The following EFCAB6 variants were observed in gnomAD, a reference collection of about 807,000 sequenced individuals.
The protein encoded by EFCAB6 is EF-hand calcium-binding domain-containing protein 6.
In EFCAB6, 156 loss-of-function variants were observed where a neutral mutation model predicts 169.8. The ratio of observed to expected loss-of-function variants is 0.92; its 90% CI spans 0.81 to 1.05. The LOEUF (loss-of-function observed/expected upper bound fraction) is 1.05, where lower values mean the gene tolerates loss of function less well. Ranked by LOEUF, EFCAB6 falls within the 50% of genes least tolerant of loss-of-function variation. The pLI, the probability that EFCAB6 is intolerant of heterozygous loss-of-function variation, is 0.00. For missense variants in EFCAB6, 1,800 were observed against 1,829.1 expected (o/e 0.98, Z 0.29); for synonymous variants, 698 against 676.4 (o/e 1.03, Z -0.50).
intron 6 of EFCAB6, among the ~76,000 whole-genome samples, chr22:43,755,509 T>G (rs1377753329): frequency 1.3e-5 from 2 of 152,234 alleles, no homozygotes; most frequent in East Asian, 3.8e-4. Context: ...GATCTAAAGT[T>G]AATACAAAAG....
chr22:43,740,715 G>A (rs1173237390), intron 6 of EFCAB6, among the ~76,000 whole-genome samples: 5 of 152,110 alleles, frequency 3.3e-5, no homozygotes, highest in Admixed American at 6.5e-5. Context: ...GAAAGGCACC[G>A]GCAGAAGCAA....
intron 24 of EFCAB6, among the ~76,000 whole-genome samples, chr22:43,585,245 G>A (rs185401413): frequency 9.0e-4 from 136 of 150,770 alleles, no homozygotes; most frequent in Non-Finnish European, 1.7e-3. Flanking sequence ...AGTGGGCAAT[G>A]TAATCAGAGA....
At chr22:43,635,454 G>T (rs2055321434) in intron 17 of EFCAB6, among the ~76,000 whole-genome samples, 1 of 152,188 alleles carries the variant, frequency 6.6e-6, no homozygotes, top group African/African-American at 2.4e-5. Context: ...AGTTGGCATG[G>T]TGCTCAGGCC....
At chr22:43,783,876 C>A (rs912709386) in intron 2 of EFCAB6, among the ~76,000 whole-genome samples, 1 of 151,958 alleles carries the variant, frequency 6.6e-6, no homozygotes. Flanking sequence ...GACTGGGCAA[C>A]ATACTGAGAC....
chr22:43,555,227 G>A, intron 26 of EFCAB6, 131 bp from the exon 27 acceptor site: 2 of 918,932 alleles, frequency 2.2e-6, no homozygotes. Flanking sequence ...GACAGCTACA[G>A]CCTGGAGGTG....
At chr22:43,563,676 C>G (rs968207627) in intron 26 of EFCAB6, among the ~76,000 whole-genome samples, 6 of 152,234 alleles carry the variant, frequency 3.9e-5, no homozygotes, top group African/African-American at 1.4e-4. Context: ...GCTGCTGCTG[C>G]TGGTGATTAC....
At chr22:43,729,868 G>A (rs550951524) in intron 8 of EFCAB6, among the ~76,000 whole-genome samples, 106 of 152,268 alleles carry the variant, frequency 7.0e-4, no homozygotes, top group African/African-American at 2.5e-3. Flanking sequence ...GACAATCACT[G>A]TGAATATGTG....
At chr22:43,596,720 T>A (rs1047775006) in intron 23 of EFCAB6, among the ~76,000 whole-genome samples, 1 of 152,046 alleles carries the variant, frequency 6.6e-6, no homozygotes, top group African/African-American at 2.4e-5. Context: ...AAATACCAAA[T>A]GACATTCTTC....
chr22:43,682,374 T>C (rs2147099819), intron 12 of EFCAB6, among the ~76,000 whole-genome samples: 1 of 152,346 alleles, frequency 6.6e-6, no homozygotes. Context: ...TCAAGTTGAA[T>C]AGCACAACAA....
At chr22:43,713,398 A>G (rs2059227161) in intron 9 of EFCAB6, among the ~76,000 whole-genome samples, 1 of 152,236 alleles carries the variant, frequency 6.6e-6, no homozygotes, top group South Asian at 2.1e-4. Flanking sequence ...TGTTCAACAC[A>G]TTAGTAAAAA....
intron 26 of EFCAB6, among the ~76,000 whole-genome samples, chr22:43,565,154 CG>C (rs2147158045): frequency 6.6e-6 from 1 of 152,310 alleles, no homozygotes; most frequent in East Asian, 1.9e-4. Context: ...GGAGCATTTG[CG>C]TAATTGGGCA....
At chr22:43,763,290 C>T (rs1379044618) in intron 5 of EFCAB6, among the ~76,000 whole-genome samples, 3 of 152,240 alleles carry the variant, frequency 2.0e-5, no homozygotes, top group African/African-American at 4.8e-5. Context: ...CTGCCCACTT[C>T]GGCCTCCCAA....
chr22:43,706,579 T>C (rs1056648473), intron 10 of EFCAB6, among the ~76,000 whole-genome samples: 2 of 152,236 alleles, frequency 1.3e-5, no homozygotes, highest in African/African-American at 4.8e-5. Context: ...ATTTATTGAC[T>C]GACTGGGCAA....
intron 10 of EFCAB6, among the ~76,000 whole-genome samples, chr22:43,702,148 C>A (rs2147281691): frequency 6.6e-6 from 1 of 152,242 alleles, no homozygotes; most frequent in African/African-American, 2.4e-5. Flanking sequence ...TATTTTAAAA[C>A]AATGTTAATA....
intron 13 of EFCAB6, among the ~76,000 whole-genome samples, chr22:43,676,294 A>G (rs137782): frequency 0.54 from 82,223 of 151,146 alleles, 22,712 homozygotes; most frequent in East Asian, 0.77. Flanking sequence ...GTAGGCGCCT[A>G]TAGTCCCAGC....
At chr22:43,799,714 A>C (rs1051571539) in intron 2 of EFCAB6, among the ~76,000 whole-genome samples, 4 of 152,262 alleles carry the variant, frequency 2.6e-5, no homozygotes, top group African/African-American at 9.6e-5. Context: ...CCTGAAAACC[A>C]AAGTAAATAT....
chr22:43,609,277 A>C (rs149803738), intron 21 of EFCAB6, among the ~76,000 whole-genome samples: 1 of 152,264 alleles, frequency 6.6e-6, no homozygotes, highest in African/African-American at 2.4e-5. Context: ...AAGTGAGAAT[A>C]TCTTCATCAC....
chr22:43,549,565 G>A (rs1392842096), intron 27 of EFCAB6, among the ~76,000 whole-genome samples: 1 of 152,192 alleles, frequency 6.6e-6, no homozygotes, highest in Non-Finnish European at 1.5e-5. Context: ...TAAAGCAAAT[G>A]CTGGGCCTTG....
intron 15 of EFCAB6, among the ~76,000 whole-genome samples, chr22:43,671,036 C>T (rs567075451): frequency 6.6e-6 from 1 of 152,296 alleles, no homozygotes; most frequent in Admixed American, 6.5e-5. Context: ...AAGTCACTTG[C>T]CCAGGTTTGG....
Sources: allele counts gnomAD v4.1 joint callset (sites outside exome capture counted in the v4.1 genomes callset), GRCh38; gene constraint gnomAD v4.1.1; transcripts MANE v1.5; gene names NCBI Gene and HGNC (gene_info 2026-07-23, HGNC 2026-07-21).